Variants in RAB21 observed in about 807,000 individuals in gnomAD.
RAB21 encodes the protein RAB21, member RAS oncogene family, also known as ras-related protein Rab-21.
In RAB21, 13 loss-of-function variants were observed where a neutral mutation model predicts 33.1. The observed-to-expected ratio is 0.39, with a 90% CI of 0.26 to 0.62. The LOEUF (loss-of-function observed/expected upper bound fraction) is 0.62. RAB21 is among the 20% of genes least tolerant of loss of function. RAB21 has a pLI of 0.48. For missense variants in RAB21, 234 were observed against 279.1 expected (o/e 0.84, Z 1.15); for synonymous variants, 91 against 103.7 (o/e 0.88, Z 0.74).
intron 2 of RAB21, 65 bp from the exon 3 acceptor site, chr12:71,770,524 TCAC>T (rs1193798569): frequency 9.4e-7 from 1 of 1,068,490 alleles, no homozygotes; most frequent in African/African-American, 1.6e-5. Context: ...ATCAAAAAGT[TCAC>T]CATAGTTGCA....
chr12:71,769,887 G>T (rs774220659), intron 2 of RAB21, 28 bp downstream of exon 2: 4 of 1,220,836 alleles, frequency 3.3e-6, no homozygotes, highest in Admixed American at 2.9e-5. Context: ...ACTATTATGC[G>T]TGGAGGCTTC....
chr12:71,783,596 A>G (rs968306597), intron 6 of RAB21, among the ~76,000 whole-genome samples: 1 of 152,166 alleles, frequency 6.6e-6, no homozygotes, highest in Non-Finnish European at 1.5e-5. Flanking sequence ...TATGTCAGAA[A>G]TGCAAATTCT....
At chr12:71,776,368 T>C (rs1225553860) in intron 4 of RAB21, among the ~76,000 whole-genome samples, 1 of 152,134 alleles carries the variant, frequency 6.6e-6, no homozygotes, top group Non-Finnish European at 1.5e-5. Flanking sequence ...AGGCATAACA[T>C]TAAATTGAAC....
chr12:71,757,404 C>T (rs1882801577), intron 1 of RAB21, among the ~76,000 whole-genome samples: 1 of 152,218 alleles, frequency 6.6e-6, no homozygotes, highest in South Asian at 2.1e-4. Flanking sequence ...GCCACTGCAC[C>T]TGGCCATACC....
At chr12:71,764,182 C>G (rs1324604879) in intron 1 of RAB21, among the ~76,000 whole-genome samples, 1 of 152,126 alleles carries the variant, frequency 6.6e-6, no homozygotes, top group Admixed American at 6.5e-5. Context: ...ATTTATAAAT[C>G]TCTTGGAAGT....
intron 1 of RAB21, among the ~76,000 whole-genome samples, chr12:71,768,025 A>G (rs1219830632): frequency 6.6e-6 from 1 of 152,194 alleles, no homozygotes; most frequent in Non-Finnish European, 1.5e-5. Flanking sequence ...ATGGGAGAAG[A>G]CATTTATTGT....
chr12:71,770,139 A>C (rs1037036436), intron 2 of RAB21, among the ~76,000 whole-genome samples: 12 of 152,124 alleles, frequency 7.9e-5, no homozygotes, highest in Admixed American at 6.5e-4. Flanking sequence ...GTGTCTCCAT[A>C]TTCCAGCCTT....
At chr12:71,761,356 C>G (rs898264611) in intron 1 of RAB21, among the ~76,000 whole-genome samples, 10 of 152,054 alleles carry the variant, frequency 6.6e-5, no homozygotes, top group African/African-American at 2.4e-4. Flanking sequence ...CCAACCTGGG[C>G]AACATAGTAA....
intron 1 of RAB21, among the ~76,000 whole-genome samples, chr12:71,762,565 A>G (rs536694801): frequency 6.6e-6 from 1 of 151,930 alleles, no homozygotes; most frequent in Non-Finnish European, 1.5e-5. Flanking sequence ...TCGGCCTCCC[A>G]AAGTGCTGGG....
Position 71,789,188 on chromosome 12 carries a change from T to G in RAB21, c.*3515T>G, listed in dbSNP as rs1883341471. On this transcript the variant is annotated 3_prime_UTR_variant, in exon 7 of 7. Transcript: ENST00000261263. ...AATAAAAAACTACAACCTGACAGTT[T>G]TTTAAATCACTTTGAAAAGTACATT... is the stretch of plus-strand genomic sequence containing the variant. 1 of 152,058 alleles carries G rather than the reference T, an allele frequency of 6.6e-6. No individual in the cohort carries two copies. The highest frequency in any genetic ancestry group is 2.1e-4 in the South Asian group (1 of 4,832). 9.4% of individuals were successfully genotyped at this position (152,058 alleles called of 1,614,324 possible).
chr12:71,794,273 C>G lies in RAB21; in HGVS notation c.*8600C>G, dbSNP rs1396347022. 6.7e-6 allele frequency: 1 copy of G among 149,076 alleles called. No individual in the cohort carries two copies. The highest frequency in any genetic ancestry group is 1.5e-5 in the Non-Finnish European group (1 of 67,186). The allele number at this position is 149,076 out of a possible 1,614,324, so 9.2% of individuals were successfully genotyped here. A position where few individuals can be genotyped will look rare whatever the true frequency, so the allele number is the denominator to read the frequency against. The stretch of plus-strand genomic sequence containing the variant: ...TTAAAAGTTGTGGCATGGTGGCTCA[C>G]GCCTGTAATCCCAGCACTTTTGGAG... On this transcript the variant is annotated 3_prime_UTR_variant, in exon 7 of 7. Transcript: ENST00000261263.
At chr12:71,761,658 A>G (rs183124762) in intron 1 of RAB21, among the ~76,000 whole-genome samples, 82 of 152,370 alleles carry the variant, frequency 5.4e-4, no homozygotes, top group African/African-American at 1.8e-3. Context: ...AGCCTGGGCA[A>G]CAGAGCAAGA....
rs1035750024 is a variant in RAB21, at chr12:71,791,502, A to C, written c.*5829A>C. The C allele has an allele frequency of 1.3e-5, 2 of 152,190 alleles. No individual in the cohort carries two copies. Among genetic ancestry groups the C allele is most frequent in the Admixed American group, 6.5e-5 (1 of 15,274 alleles). The allele number at this position is 152,190 out of a possible 1,614,324, so 9.4% of individuals were successfully genotyped here. On this transcript the variant is annotated 3_prime_UTR_variant, in exon 7 of 7. Coordinates refer to ENST00000261263, the MANE Select transcript of RAB21 (RefSeq NM_014999.4). ...TTTTTTATTGGAGGGAAGAAGGAAA[A>C]AGAGGAAAGGTATAACTGATGGGGA...
intron 1 of RAB21, among the ~76,000 whole-genome samples, chr12:71,769,397 T>C (rs528781204): frequency 2.0e-4 from 30 of 152,336 alleles, no homozygotes; most frequent in African/African-American, 6.7e-4. Context: ...TGTGGAATCA[T>C]TTTGAATAAT....
chr12:71,764,090 C>T (rs1344345932), intron 1 of RAB21, among the ~76,000 whole-genome samples: 1 of 152,096 alleles, frequency 6.6e-6, no homozygotes, highest in Non-Finnish European at 1.5e-5. Flanking sequence ...GTCCTAGAAC[C>T]TTTTGAATTG....
At position 71,785,570 on chromosome 12, in the gene RAB21, G is replaced by T. The variant is rs1046096931; in HGVS notation, c.575G>T (p.Gly192Val). ...GCACAAGTGGATGAGAGAGCAAAAG[G>T]CAATGGCTCTAGTCAGCCGGGAACT... is the stretch of plus-strand genomic sequence containing the variant. ...ETAQVDERAK[G>V]NGSSQPGTAR... The change falls in exon 7 of 7, where the codon GGC becomes GTC. Residue 192 changes from glycine to valine, a missense_variant. Transcript: ENST00000261263. The T allele has an allele frequency of 6.8e-6, 11 of 1,614,036 alleles. No homozygotes were observed. Among genetic ancestry groups the T allele is most frequent in the Non-Finnish European group, 9.3e-6 (11 of 1,180,006 alleles).
In RAB21 at chr12:71,789,266, TAAG is replaced by T. The variant is rs1165133117; in HGVS notation, c.*3596_*3598del. On this transcript the variant is annotated 3_prime_UTR_variant, in exon 7 of 7. Transcript: ENST00000261263. ...GCAAACTATGCATTATGCCAAATATTAAGAACATTTTAAAAATGGATTGTGATA... is the reference window on the plus strand; with the variant it reads ...GCAAACTATGCATTATGCCAAATATTAACATTTTAAAAATGGATTGTGATA... The T allele has an allele frequency of 8.5e-5, 13 of 152,094 alleles. No individual in the cohort carries two copies. The highest frequency in any genetic ancestry group is 2.9e-4 in the African/African-American group (12 of 41,446). 9.4% of individuals were successfully genotyped at this position (152,094 alleles called of 1,614,324 possible).
At position 71,796,324 on chromosome 12, in the gene RAB21, A is replaced by G. The variant is rs531481696; in HGVS notation, c.*10651A>G. The G allele has an allele frequency of 2.5e-4, 35 of 137,758 alleles. 7 individuals carry two copies. Among genetic ancestry groups the G allele is most frequent in the Non-Finnish European group, 4.8e-4 (32 of 66,020 alleles). 8.5% of individuals were successfully genotyped at this position (137,758 alleles called of 1,614,324 possible). The stretch of plus-strand genomic sequence containing the variant: ...ATTTTGCTGGGCAGTTTTAAGAGCT[A>G]CTTTTTGTCTGTACTTTCCTTAATT... On this transcript the variant is annotated 3_prime_UTR_variant, in exon 7 of 7. Transcript: ENST00000261263.
chr12:71,770,963 T>C (rs1044013247), intron 3 of RAB21, among the ~76,000 whole-genome samples: 2 of 152,192 alleles, frequency 1.3e-5, no homozygotes, highest in African/African-American at 4.8e-5. Context: ...TTCTCAAATA[T>C]TAGGGAAGGG....
Sources: allele counts gnomAD v4.1 joint callset (sites outside exome capture counted in the v4.1 genomes callset), GRCh38; gene constraint gnomAD v4.1.1; transcripts MANE v1.5; gene names NCBI Gene and HGNC (gene_info 2026-07-23, HGNC 2026-07-21).